The following GRIN2B variants were observed in gnomAD, a reference collection of about 807,000 sequenced individuals.
GRIN2B encodes glutamate receptor ionotropic, NMDA 2B.
A neutral mutation model predicts 114.5 loss-of-function variants in GRIN2B; 5 were observed. The observed-to-expected ratio is 0.04, with a 90% CI of 0.02 to 0.09. The LOEUF is 0.09. Among genes scored for constraint, GRIN2B ranks in the 10% least tolerant of loss-of-function variants. GRIN2B has a pLI of 1.00. For synonymous variants in GRIN2B, 787 were observed against 745.1 expected, an observed-to-expected ratio of 1.06 and a Z score of -0.92; for missense variants, 1,108 against 1,943.5, an observed-to-expected ratio of 0.57 and a Z score of 8.08.
intron 3 of GRIN2B, among the ~76,000 whole-genome samples, chr12:13,832,470 G>C (rs1865167968): frequency 6.6e-6 from 1 of 152,150 alleles, no homozygotes; most frequent in Non-Finnish European, 1.5e-5. Context: ...ATGCCCACTG[G>C]ATGGGAGTTT....
At chr12:13,905,781 G>T (rs1866526263) in intron 2 of GRIN2B, among the ~76,000 whole-genome samples, 1 of 152,208 alleles carries the variant, frequency 6.6e-6, no homozygotes, top group Admixed American at 6.5e-5. Context: ...ATTCTGACGA[G>T]CTGAGAGCCA....
intron 3 of GRIN2B, among the ~76,000 whole-genome samples, chr12:13,754,567 C>T (rs1166439299): frequency 1.8e-5 from 2 of 111,084 alleles, no homozygotes; most frequent in African/African-American, 8.8e-5. Context: ...AATTGGATCA[C>T]TATGTGTTCT....
chr12:13,840,463 C>T (rs992884277), intron 3 of GRIN2B, among the ~76,000 whole-genome samples: 5 of 152,114 alleles, frequency 3.3e-5, no homozygotes, highest in African/African-American at 1.2e-4. Context: ...GCCCCTCTTA[C>T]CTGCTGGACA....
intron 4 of GRIN2B, among the ~76,000 whole-genome samples, chr12:13,713,551 C>T (rs560467749): frequency 6.6e-6 from 1 of 152,020 alleles, no homozygotes; most frequent in South Asian, 2.1e-4. Context: ...ACTTCCCTAG[C>T]GATGAGCCAT....
chr12:13,839,316 A>T (rs1418188432), intron 3 of GRIN2B, among the ~76,000 whole-genome samples: 1 of 152,216 alleles, frequency 6.6e-6, no homozygotes, highest in African/African-American at 2.4e-5. Flanking sequence ...AATGAGAGTG[A>T]TGGAGCCCAG....
Position 13,665,169 on chromosome 12 carries a change from G to T in GRIN2B, c.1125+10576C>A, listed in dbSNP as rs201863342. Among the ~76,000 whole-genome samples, 64 of 3,720 alleles carry T rather than the reference G, an allele frequency of 0.017. No individual in the cohort carries two copies. The South Asian group carries it at 0.23, about 14-fold the overall frequency. The allele number at this position is 3,720 out of a possible 152,430, so 2.4% of individuals were successfully genotyped here. ...TGTTTGTGTGTGTGTGTGTGTGTTT[G>T]TGTGTGTGTGTGTGTGTGTGTGATA... is the stretch of plus-strand genomic sequence containing the variant. On this transcript the variant is annotated intron_variant, in intron 5 of 13. Coordinates refer to ENST00000609686, the MANE Select transcript of GRIN2B (RefSeq NM_000834.5).
rs894296010 is a variant in GRIN2B, at chr12:13,689,658, C to T, written c.1011-13799G>A. Among the ~76,000 whole-genome samples the T allele has an allele frequency of 5.3e-5, 8 of 152,082 alleles. No homozygotes were observed. The South Asian group carries it at 6.2e-4, about 12-fold the overall frequency. On this transcript the variant is annotated intron_variant, in intron 4 of 13. Transcript: ENST00000609686. ...AATCTTACCGTGAGATTTCTTAGTG[C>T]CACATCACTACTTGCTCAAACATCT... is the stretch of plus-strand genomic sequence containing the variant.
intron 3 of GRIN2B, among the ~76,000 whole-genome samples, chr12:13,790,867 G>A (rs1864307991): frequency 6.6e-6 from 1 of 152,192 alleles, no homozygotes; most frequent in Non-Finnish European, 1.5e-5. Context: ...GATTGAGGTT[G>A]AAATAAGGAC....
intron 13 of GRIN2B, among the ~76,000 whole-genome samples, chr12:13,566,655 T>A (rs1311077735): frequency 6.6e-6 from 1 of 152,226 alleles, no homozygotes; most frequent in Non-Finnish European, 1.5e-5. Context: ...CATATGATTA[T>A]TTAAATAGAA....
At chr12:13,719,584 G>A (rs114731633) in intron 4 of GRIN2B, among the ~76,000 whole-genome samples, 202 of 152,164 alleles carry the variant, frequency 1.3e-3, no homozygotes, top group African/African-American at 4.6e-3. Context: ...ACAGTACAAT[G>A]TGCAGGGATT....
At chr12:13,938,592 C>T (rs1005330595) in intron 2 of GRIN2B, among the ~76,000 whole-genome samples, 1 of 152,116 alleles carries the variant, frequency 6.6e-6, no homozygotes, top group African/African-American at 2.4e-5. Flanking sequence ...ATAAAATAGG[C>T]AAATCTCAGT....
In GRIN2B at chr12:13,546,273, G is replaced by A. The variant is rs1948340700; in HGVS notation, c.*16510C>T. 6.6e-6 allele frequency: 1 copy of A among 152,180 alleles called. No homozygotes were observed. The highest frequency in any genetic ancestry group is 1.5e-5 in the Non-Finnish European group (1 of 68,034). The allele number at this position is 152,180 out of a possible 1,614,324, so 9.4% of individuals were successfully genotyped here. A position where few individuals can be genotyped will look rare whatever the true frequency, so the allele number is the denominator to read the frequency against. On this transcript the variant is annotated 3_prime_UTR_variant, in exon 14 of 14. Transcript: ENST00000609686. ...TGGAGAATGGAAATCATTGGAGAGG[G>A]GCTGCCCTAAAGGTTTGTAGACAAG...
chr12:13,618,820 G>C (rs969651565), intron 5 of GRIN2B, among the ~76,000 whole-genome samples: 5 of 152,170 alleles, frequency 3.3e-5, no homozygotes, highest in African/African-American at 1.2e-4. Context: ...GGAACACTTT[G>C]CAACGAACTA....
At chr12:13,748,026 T>G (rs112908706) in intron 4 of GRIN2B, among the ~76,000 whole-genome samples, 466 of 152,276 alleles carry the variant, frequency 3.1e-3, no homozygotes, top group African/African-American at 0.011. Context: ...ATTAAGAACC[T>G]AAGAAAGTAC....
intron 2 of GRIN2B, among the ~76,000 whole-genome samples, chr12:13,971,946 T>G (rs1443133723): frequency 6.6e-6 from 1 of 152,200 alleles, no homozygotes; most frequent in Non-Finnish European, 1.5e-5. Flanking sequence ...CAGCATTTTT[T>G]TTTAACTTCT....
chr12:13,626,996 C>T (rs1477796346), intron 5 of GRIN2B, among the ~76,000 whole-genome samples: 2 of 151,720 alleles, frequency 1.3e-5, no homozygotes, highest in Non-Finnish European at 2.9e-5. Context: ...CTGGCTGGGT[C>T]GAATCCTCGG....
chr12:13,956,396 G>T (rs1867592992), intron 2 of GRIN2B, among the ~76,000 whole-genome samples: 1 of 152,188 alleles, frequency 6.6e-6, no homozygotes, highest in Non-Finnish European at 1.5e-5. Flanking sequence ...GACAACTCGT[G>T]GCAATTTGAG....
intron 4 of GRIN2B, among the ~76,000 whole-genome samples, chr12:13,726,745 G>A (rs1862996519): frequency 6.6e-6 from 1 of 151,598 alleles, no homozygotes; most frequent in Non-Finnish European, 1.5e-5. Context: ...AGTGATTTCT[G>A]AGATTTTGGT....
intron 2 of GRIN2B, among the ~76,000 whole-genome samples, chr12:13,891,282 T>A (rs143404066): frequency 6.6e-6 from 1 of 152,158 alleles, no homozygotes; most frequent in African/African-American, 2.4e-5. Context: ...GTGATTCCTA[T>A]TCAAGAAGGA....
Sources: allele counts gnomAD v4.1 joint callset (sites outside exome capture counted in the v4.1 genomes callset), GRCh38; gene constraint gnomAD v4.1.1; transcripts MANE v1.5; gene names NCBI Gene and HGNC (gene_info 2026-07-23, HGNC 2026-07-21).